The following DCLK1 variants were observed in gnomAD, a reference collection of about 807,000 sequenced individuals.
The protein encoded by DCLK1 is doublecortin like kinase 1, also known as serine/threonine-protein kinase DCLK1.
In DCLK1, 16 loss-of-function variants were observed where a neutral mutation model predicts 86.2. The ratio of observed to expected loss-of-function variants is 0.19; its 90% CI spans 0.13 to 0.28. DCLK1 has a LOEUF of 0.28. Among genes scored for constraint, DCLK1 ranks in the 10% least tolerant of loss-of-function variants. The pLI is 1.00. For missense variants in DCLK1, 590 were observed against 940.2 expected, an observed-to-expected ratio of 0.63 and a Z score of 4.87; for synonymous variants, 369 against 370.5, an observed-to-expected ratio of 1.00 and a Z score of 0.05.
intron 5 of DCLK1, among the ~76,000 whole-genome samples, chr13:35,870,637 A>G (rs1034551033): frequency 2.0e-5 from 3 of 152,198 alleles, no homozygotes; most frequent in Non-Finnish European, 4.4e-5. Context: ...AACTGACTTC[A>G]TGTCAGTTTT....
chr13:35,959,335 C>G (rs1878321745), intron 3 of DCLK1, among the ~76,000 whole-genome samples: 1 of 152,100 alleles, frequency 6.6e-6, no homozygotes, highest in African/African-American at 2.4e-5. Context: ...AGGTAACATA[C>G]ACAGTGAAGT....
At chr13:35,951,707 C>G (rs985916365) in intron 3 of DCLK1, among the ~76,000 whole-genome samples, 1 of 151,992 alleles carries the variant, frequency 6.6e-6, no homozygotes, top group Non-Finnish European at 1.5e-5. Flanking sequence ...ATTCCTGTTG[C>G]AAATCAGTAA....
intron 3 of DCLK1, among the ~76,000 whole-genome samples, chr13:35,950,285 C>T (rs182924089): frequency 4.6e-5 from 7 of 152,312 alleles, no homozygotes; most frequent in East Asian, 1.9e-4. Flanking sequence ...CAATTATCCA[C>T]GCGCTCATGC....
At chr13:36,089,029 T>A (rs907525511) in intron 3 of DCLK1, among the ~76,000 whole-genome samples, 38 of 152,330 alleles carry the variant, frequency 2.5e-4, no homozygotes, top group Admixed American at 6.5e-4. Context: ...ATCTTTTTTT[T>A]AAAAAAATTC....
intron 4 of DCLK1, among the ~76,000 whole-genome samples, chr13:35,903,146 A>G (rs899860529): frequency 1.3e-5 from 2 of 152,140 alleles, no homozygotes; most frequent in Admixed American, 1.3e-4. Context: ...AATCAAAACA[A>G]GATGTTTTGA....
chr13:36,025,966 G>T (rs1047553949), intron 3 of DCLK1, among the ~76,000 whole-genome samples: 3 of 152,168 alleles, frequency 2.0e-5, no homozygotes, highest in East Asian at 3.9e-4. Flanking sequence ...TGGTCATGGT[G>T]GGGGGAGAGG....
At chr13:36,044,403 A>G (rs1157921084) in intron 3 of DCLK1, among the ~76,000 whole-genome samples, 1 of 152,164 alleles carries the variant, frequency 6.6e-6, no homozygotes, top group East Asian at 1.9e-4. Flanking sequence ...TACTGTGGAG[A>G]TGATGACTGT....
intron 3 of DCLK1, among the ~76,000 whole-genome samples, chr13:36,064,365 G>T (rs1883668404): frequency 6.6e-6 from 1 of 152,128 alleles, no homozygotes; most frequent in Non-Finnish European, 1.5e-5. Context: ...TAGTCCATAA[G>T]AAAGTAGGGG....
chr13:36,019,776 C>T (rs1881692137), intron 3 of DCLK1, among the ~76,000 whole-genome samples: 1 of 152,164 alleles, frequency 6.6e-6, no homozygotes, highest in African/African-American at 2.4e-5. Flanking sequence ...GTAAGCAGTA[C>T]TGAGTTTTAA....
rs915633351 is a variant in DCLK1 at position 36,019,382 on chromosome 13, C to T, written c.724-71925G>A. Among the ~76,000 whole-genome samples the T allele has an allele frequency of 3.9e-5, 6 of 152,148 alleles. 1 individual carries two copies. Among genetic ancestry groups the T allele is most frequent in the Non-Finnish European group, 5.9e-5 (4 of 68,032 alleles). On this transcript the variant is annotated intron_variant, in intron 3 of 16. Coordinates refer to ENST00000360631, the MANE Select transcript of DCLK1 (RefSeq NM_001330071.2). ...ACCTTTCTCCTTCTAGCCCCAAATG[C>T]CAGACCTGAAAAAGTGTAACTGATA...
In DCLK1 at chr13:35,771,838, T is replaced by C. The variant is rs2153096412; in HGVS notation, c.*2697A>G. ...CATATTTGTTCTATGATAAGTGAAA[T>C]CAAAAATAAGATCAATTTGGTTATA... On this transcript the variant is annotated 3_prime_UTR_variant, in exon 17 of 17. Transcript: ENST00000360631. 1 of 152,248 alleles carries C rather than the reference T, an allele frequency of 6.6e-6. No individual in the cohort carries two copies. The highest frequency in any genetic ancestry group is 1.9e-4 in the East Asian group (1 of 5,180). The allele number at this position is 152,248 out of a possible 1,614,324, so 9.4% of individuals were successfully genotyped here. A position where few individuals can be genotyped will look rare whatever the true frequency, so the allele number is the denominator to read the frequency against.
chr13:35,803,425 G>C (rs1306627415), intron 15 of DCLK1, among the ~76,000 whole-genome samples: 1 of 152,156 alleles, frequency 6.6e-6, no homozygotes, highest in Non-Finnish European at 1.5e-5. Flanking sequence ...TACTATTTTT[G>C]CATGTCTGTA....
At chr13:35,783,031 A>G (rs902653071) in intron 16 of DCLK1, among the ~76,000 whole-genome samples, 1 of 152,282 alleles carries the variant, frequency 6.6e-6, no homozygotes, top group Non-Finnish European at 1.5e-5. Flanking sequence ...GATTTGGCCC[A>G]TTGGCCATAG....
At chr13:36,092,638 C>T (rs559034113) in intron 3 of DCLK1, among the ~76,000 whole-genome samples, 1 of 151,082 alleles carries the variant, frequency 6.6e-6, no homozygotes, top group Admixed American at 6.6e-5. Flanking sequence ...AGGCGCCCGC[C>T]ACCACGCCCG....
At chr13:35,796,879 G>A (rs954922453) in intron 15 of DCLK1, among the ~76,000 whole-genome samples, 1 of 152,172 alleles carries the variant, frequency 6.6e-6, no homozygotes, top group Non-Finnish European at 1.5e-5. Context: ...TTGAATTAGG[G>A]GCTGAACAAA....
At chr13:35,966,540 T>TC (rs1878747397) in intron 3 of DCLK1, among the ~76,000 whole-genome samples, 2 of 110,664 alleles carry the variant, frequency 1.8e-5, no homozygotes, top group South Asian at 6.9e-4. Flanking sequence ...TTGCACGGTC[T>TC]CCCTCTGATG....
At chr13:36,099,071 G>C (rs987676118) in intron 3 of DCLK1, among the ~76,000 whole-genome samples, 1 of 151,770 alleles carries the variant, frequency 6.6e-6, no homozygotes, top group Non-Finnish European at 1.5e-5. Flanking sequence ...GGGTTCAAGC[G>C]ATTCTCCTGC....
intron 13 of DCLK1, 126 bp downstream of exon 13, chr13:35,808,892 G>A: frequency 1.6e-6 from 1 of 619,432 alleles, no homozygotes; most frequent in Non-Finnish European, 2.6e-6. Context: ...AAAATAACAG[G>A]GATTGCAAGT....
At chr13:36,074,369 G>C (rs1483408329) in intron 3 of DCLK1, among the ~76,000 whole-genome samples, 3 of 151,368 alleles carry the variant, frequency 2.0e-5, no homozygotes, top group African/African-American at 7.3e-5. Flanking sequence ...GGGCGAGGTA[G>C]TCCCAGCTAC....
Sources: gnomAD v4.1 joint callset for allele counts (sites outside exome capture counted in the v4.1 genomes callset) on GRCh38, gnomAD v4.1.1 for gene constraint, MANE v1.5 for transcripts, NCBI Gene and HGNC (gene_info 2026-07-23, HGNC 2026-07-21) for gene names.